SCRG1: variants seen among roughly 807,000 people sequenced by gnomAD.
SCRG1 encodes the protein stimulator of chondrogenesis 1.
SCRG1 carries 3 observed loss-of-function variants against 7.7 expected under a neutral mutation model. The ratio of observed to expected loss-of-function variants is 0.39; its 90% confidence interval spans 0.18 to 1.01. SCRG1 has a LOEUF of 1.01. Ranked by LOEUF, SCRG1 falls within the 50% of genes least tolerant of loss-of-function variation. The probability of loss-of-function intolerance (pLI) is 0.36; values close to 1 mark genes in which losing one functional copy is unlikely to be tolerated. For synonymous variants in SCRG1, 46 were observed against 41.2 expected (o/e 1.12, Z -0.44); for missense variants, 110 against 117.2 (o/e 0.94, Z 0.28).
At chr4:173,482,964 T>A in the SCRG1 span, among the ~76,000 whole-genome samples, 2 of 131,940 alleles carry the variant, frequency 1.5e-5, no homozygotes, top group Middle Eastern at 3.7e-3. Flanking sequence ...TTGTACATAT[T>A]GTATATATAA....
At chr4:173,455,104 C>T in the SCRG1 span, among the ~76,000 whole-genome samples, 1 of 152,046 alleles carries the variant, frequency 6.6e-6, no homozygotes. Flanking sequence ...GCATCACCCT[C>T]TGGGGGCCTC....
chr4:173,502,442 G>A, the SCRG1 span, among the ~76,000 whole-genome samples: 2 of 152,250 alleles, frequency 1.3e-5, no homozygotes, highest in Non-Finnish European at 1.5e-5. This position sits in a 1 kb window ranked among gnomAD's most constrained non-coding sequence, Gnocchi z 4.6. Flanking sequence ...AAGATTTTTG[G>A]CAGCTGTTAG....
the SCRG1 span, among the ~76,000 whole-genome samples, chr4:173,414,649 A>G: frequency 6.6e-6 from 1 of 152,322 alleles, no homozygotes; most frequent in Admixed American, 6.5e-5. Context: ...GGGTGTTCTC[A>G]TCTACAAGAG....
the SCRG1 span, among the ~76,000 whole-genome samples, chr4:173,498,726 A>G: frequency 2.8e-4 from 42 of 152,296 alleles, 2 homozygotes; most frequent in South Asian, 8.5e-3. Flanking sequence ...ATACATCTGT[A>G]TATGTATGTA....
the SCRG1 span, among the ~76,000 whole-genome samples, chr4:173,505,870 C>CCCA: frequency 2.0e-5 from 3 of 152,294 alleles, no homozygotes; most frequent in Admixed American, 2.0e-4. This position sits in a 1 kb window ranked among gnomAD's most constrained non-coding sequence, Gnocchi z 4.4. Flanking sequence ...CTCCACACTT[C>CCCA]GTTCTTTCCC....
At position 173,385,305 on chromosome 4, in the gene SCRG1, C is replaced by T. The variant is rs560792381; in HGVS notation, c.*3036G>A. 3 of 152,080 alleles carry T rather than the reference C, an allele frequency of 2.0e-5. No homozygotes were observed. Among genetic ancestry groups the T allele is most frequent in the African/African-American group, 7.2e-5 (3 of 41,490 alleles). 9.4% of individuals were successfully genotyped at this position (152,080 alleles called of 1,614,324 possible). ...CCAACATGGCAAAACCTCATTTCTA[C>T]TAAAAAATACAAAAATTAGCTGAGC... is the stretch of plus-strand genomic sequence containing the variant. On this transcript the variant is annotated 3_prime_UTR_variant, in exon 3 of 3. Transcript: ENST00000296506.
At chr4:173,500,738 C>G in the SCRG1 span, among the ~76,000 whole-genome samples, 1 of 151,714 alleles carries the variant, frequency 6.6e-6, no homozygotes, top group African/African-American at 2.4e-5. Flanking sequence ...CACCCGCCTC[C>G]GTCTCCCAAA....
At chr4:173,490,364 C>T in the SCRG1 span, among the ~76,000 whole-genome samples, 1 of 152,246 alleles carries the variant, frequency 6.6e-6, no homozygotes, top group African/African-American at 2.4e-5. Flanking sequence ...GTTAATTTCT[C>T]ACACATTTTT....
chr4:173,407,916 C>T (rs1739947543), upstream of SCRG1, among the ~76,000 whole-genome samples: 1 of 152,118 alleles, frequency 6.6e-6, no homozygotes, highest in Non-Finnish European at 1.5e-5. Flanking sequence ...GTTAAATTTG[C>T]TATAAAATTG....
At chr4:173,404,344 T>G (rs745342457) in exon 2 of SCRG1, 1 of 152,264 alleles carries the variant, frequency 6.6e-6, no homozygotes, top group Non-Finnish European at 1.5e-5. Flanking sequence ...TCTTTTACTG[T>G]GTTTCCTCCG....
Sources: gnomAD v4.1 joint callset for allele counts (sites outside exome capture counted in the v4.1 genomes callset) on GRCh38, gnomAD v4.1.1 for gene constraint, Gnocchi (gnomAD v3.1) non-coding constraint, MANE v1.5 for transcripts, NCBI Gene and HGNC (gene_info 2026-07-23, HGNC 2026-07-21) for gene names.